UTRN: variants seen among roughly 807,000 people sequenced by gnomAD.
The protein encoded by UTRN is dystrophin-related protein 1.
A neutral mutation model predicts 463.9 loss-of-function variants in UTRN; 283 were observed. The ratio of observed to expected loss-of-function variants is 0.61; its 90% confidence interval spans 0.55 to 0.67. The LOEUF is 0.67. Ranked by LOEUF, UTRN falls within the 30% of genes least tolerant of loss-of-function variation. The pLI, the probability that UTRN is intolerant of heterozygous loss-of-function variation, is 0.00. For missense variants in UTRN, 3,922 were observed against 4,084.3 expected, an observed-to-expected ratio of 0.96 and a Z score of 1.08; for synonymous variants, 1,442 against 1,431.5, an observed-to-expected ratio of 1.01 and a Z score of -0.17.
chr6:144,349,046 G>A (rs1777863632), intron 2 of UTRN, among the ~76,000 whole-genome samples: 1 of 151,980 alleles, frequency 6.6e-6, no homozygotes, highest in Non-Finnish European at 1.5e-5. Context: ...GTCTCGCTCT[G>A]TCGCCCAGGC....
At chr6:144,699,166 G>A (rs1370795678) in intron 52 of UTRN, among the ~76,000 whole-genome samples, 5 of 152,044 alleles carry the variant, frequency 3.3e-5, no homozygotes, top group East Asian at 1.9e-4. Flanking sequence ...AAGACCAGGC[G>A]CGGTGGCTCA....
At chr6:144,425,844 T>G (rs1257897099) in intron 6 of UTRN, among the ~76,000 whole-genome samples, 2 of 152,234 alleles carry the variant, frequency 1.3e-5, no homozygotes, top group African/African-American at 4.8e-5. Context: ...AAATGTTAGT[T>G]CTAGAGTATA....
chr6:144,580,992 C>G (rs1801919435), intron 51 of UTRN, among the ~76,000 whole-genome samples: 1 of 152,112 alleles, frequency 6.6e-6, no homozygotes, highest in African/African-American at 2.4e-5. Context: ...GGCAGATTGC[C>G]AAGTGGTGTT....
At chr6:144,576,628 T>C (rs185514484) in intron 50 of UTRN, among the ~76,000 whole-genome samples, 2,267 of 152,286 alleles carry the variant, frequency 0.015, 65 homozygotes, top group African/African-American at 0.052. Flanking sequence ...TATTTGTTGA[T>C]ACTGTCTTTA....
intron 66 of UTRN, among the ~76,000 whole-genome samples, chr6:144,822,510 A>G (rs540163032): frequency 6.6e-6 from 1 of 152,142 alleles, no homozygotes; most frequent in African/African-American, 2.4e-5. Flanking sequence ...CTTGATATCA[A>G]ACTGTGTACA....
chr6:144,465,080 A>G (rs536653543), intron 23 of UTRN, among the ~76,000 whole-genome samples: 2 of 152,210 alleles, frequency 1.3e-5, no homozygotes, highest in Non-Finnish European at 2.9e-5. Context: ...ACAGCCTCAC[A>G]ACAAAATAAT....
At chr6:144,496,842 T>C (rs559460090) in intron 33 of UTRN, among the ~76,000 whole-genome samples, 3 of 152,164 alleles carry the variant, frequency 2.0e-5, no homozygotes, top group African/African-American at 7.2e-5. Context: ...TAAGCCGAGA[T>C]CTGAAGTCTG....
chr6:144,702,850 T>C (rs1032065700), intron 53 of UTRN, among the ~76,000 whole-genome samples: 1 of 152,068 alleles, frequency 6.6e-6, no homozygotes, highest in African/African-American at 2.4e-5. Flanking sequence ...GAGATGAAGC[T>C]GGGGTGGCGG....
chr6:144,690,608 G>T (rs543482609), intron 52 of UTRN, among the ~76,000 whole-genome samples: 1 of 152,124 alleles, frequency 6.6e-6, no homozygotes, highest in Non-Finnish European at 1.5e-5. Flanking sequence ...CCTGCGACCC[G>T]TGCCTGAGTT....
intron 23 of UTRN, 34 bp downstream of exon 23, chr6:144,462,900 T>A: frequency 6.7e-7 from 1 of 1,493,456 alleles, no homozygotes; most frequent in Non-Finnish European, 9.2e-7. Context: ...TTTAAGTTTA[T>A]TACGGGGTAA....
intron 34 of UTRN, among the ~76,000 whole-genome samples, chr6:144,502,296 C>T (rs1291822166): frequency 6.6e-6 from 1 of 151,410 alleles, no homozygotes; most frequent in Admixed American, 6.6e-5. Flanking sequence ...TTATGGGATA[C>T]ATGTGCGGAA....
At chr6:144,333,890 C>T (rs996039277) in intron 2 of UTRN, among the ~76,000 whole-genome samples, 28 of 152,110 alleles carry the variant, frequency 1.8e-4, no homozygotes, top group African/African-American at 6.8e-4. Context: ...CAGTAAATAT[C>T]TCATTTTATT....
chr6:144,449,539 G>C (rs542814640), intron 17 of UTRN, among the ~76,000 whole-genome samples: 1 of 152,158 alleles, frequency 6.6e-6, no homozygotes, highest in African/African-American at 2.4e-5. Flanking sequence ...TTAGATGGCC[G>C]TCTCTTCTCT....
At chr6:144,496,602 C>T (rs1554270213) in intron 33 of UTRN, among the ~76,000 whole-genome samples, 2 of 152,076 alleles carry the variant, frequency 1.3e-5, no homozygotes, top group Non-Finnish European at 1.5e-5. Context: ...AGATTTTACT[C>T]TGTGTCAGGA....
intron 51 of UTRN, among the ~76,000 whole-genome samples, chr6:144,616,555 C>A (rs1806127226): frequency 6.7e-6 from 1 of 149,824 alleles, no homozygotes; most frequent in Admixed American, 6.6e-5. Flanking sequence ...TTTTGAAAAG[C>A]CCTTTTTTAA....
chr6:144,623,695 A>T (rs979281531), intron 51 of UTRN, among the ~76,000 whole-genome samples: 73 of 152,344 alleles, frequency 4.8e-4, no homozygotes, highest in African/African-American at 1.6e-3. Flanking sequence ...TAATATTTCT[A>T]ATTCACTATT....
chr6:144,674,405 A>C (rs1478360041), intron 51 of UTRN, among the ~76,000 whole-genome samples: 1 of 149,940 alleles, frequency 6.7e-6, no homozygotes, highest in Non-Finnish European at 1.5e-5. Flanking sequence ...TGAGCTCTAA[A>C]GTTTTTTTTT....
chr6:144,836,570 C>A (rs59324373), intron 71 of UTRN, 29 bp downstream of exon 71: 1 of 1,609,670 alleles, frequency 6.2e-7, no homozygotes, highest in Admixed American at 1.7e-5. Flanking sequence ...AGCGTCACAC[C>A]TCCCCAGGCC....
chr6:144,749,052 A>G (rs1435538038), intron 55 of UTRN, among the ~76,000 whole-genome samples: 1 of 152,130 alleles, frequency 6.6e-6, no homozygotes, highest in African/African-American at 2.4e-5. Flanking sequence ...TATAAATTGT[A>G]TCTTATTGTA....
Sources: gnomAD v4.1 joint callset for allele counts (sites outside exome capture counted in the v4.1 genomes callset) on GRCh38, gnomAD v4.1.1 for gene constraint, MANE v1.5 for transcripts, NCBI Gene and HGNC (gene_info 2026-07-23, HGNC 2026-07-21) for gene names.